EPS8: variants seen among roughly 807,000 people sequenced by gnomAD.
EPS8 encodes EGFR pathway substrate 8, signaling adaptor, also known as epidermal growth factor receptor kinase substrate 8.
Under a neutral mutation model 103.8 loss-of-function variants are expected in EPS8, and 42 were observed. The ratio of observed to expected loss-of-function variants is 0.40; its 90% confidence interval spans 0.32 to 0.52. The LOEUF is 0.52. EPS8 is among the 20% of genes least tolerant of loss of function. The probability of loss-of-function intolerance (pLI) is 0.40; values close to 1 mark genes in which losing one functional copy is unlikely to be tolerated. For synonymous variants in EPS8, 344 were observed against 344.6 expected (o/e 1.00, Z 0.02); for missense variants, 969 against 1,005.1 (o/e 0.96, Z 0.49).
intron 1 of EPS8, among the ~76,000 whole-genome samples, chr12:15,782,801 C>A (rs1250949283): frequency 6.6e-6 from 1 of 152,160 alleles, no homozygotes; most frequent in Admixed American, 6.5e-5. Context: ...TACTGTACTA[C>A]TGTAATAATT....
At chr12:15,691,525 G>A (rs1157765929) in intron 1 of EPS8, among the ~76,000 whole-genome samples, 2 of 152,172 alleles carry the variant, frequency 1.3e-5, no homozygotes, top group Non-Finnish European at 2.9e-5. Context: ...GGCTGGAAGC[G>A]GGAGACATTC....
In EPS8 at chr12:15,750,504, T is replaced by G. The variant is rs553255292; in HGVS notation, c.-22+38657A>C. Among the ~76,000 whole-genome samples, 18 of 152,298 alleles carry G rather than the reference T, an allele frequency of 1.2e-4. No homozygotes were observed. The South Asian group carries it at 3.7e-3, about 32-fold the overall frequency. On this transcript the variant is annotated intron_variant, in intron 1 of 20. Transcript: ENST00000281172. ...TCATAGTGTTTGAAAAGTATACATC[T>G]TTATGGTCTAATATGGACAATGTTA...
intron 1 of EPS8, among the ~76,000 whole-genome samples, chr12:15,726,537 A>G (rs886248116): frequency 6.6e-6 from 1 of 152,200 alleles, no homozygotes; most frequent in African/African-American, 2.4e-5. Flanking sequence ...AGATTTTGTG[A>G]AAAAGCCTGA....
At position 15,662,036 on chromosome 12, in the gene EPS8, T is replaced by C; in HGVS notation, c.800A>G (p.Asp267Gly). 2 of 1,613,668 alleles carry C rather than the reference T, an allele frequency of 1.2e-6. No homozygotes were observed. The highest frequency in any genetic ancestry group is 2.2e-5 in the East Asian group (1 of 44,880). Residue 267 changes from aspartate to glycine, a missense_variant, in exon 9 of 21, where the codon GAC becomes GGC. Physicochemically the swap from Asp to Gly is moderately conservative, Grantham distance 94. Transcript: ENST00000281172. ...GACTCCTGTACTTACCACATCTCTG[T>C]CAATGCGGGCTGCCATCATCTCAGG... ...ETPEMMAARIDRDVQILNHIL... is the reference protein window; with the variant it reads ...ETPEMMAARIGRDVQILNHIL...
In EPS8 at chr12:15,779,221, G is replaced by A. The variant is rs947859766; in HGVS notation, c.-22+9940C>T. Among the ~76,000 whole-genome samples, 38 of 152,238 alleles carry A rather than the reference G, an allele frequency of 2.5e-4. No individual in the cohort carries two copies. Among genetic ancestry groups the A allele is most frequent in the Non-Finnish European group, 4.4e-4 (30 of 68,006 alleles). ...TCGAACTCCCAAACTCAGGTGATCC[G>A]CCTGCCTCGGCTTCCCAAAATGCTG... On this transcript the variant is annotated intron_variant, in intron 1 of 20. Transcript: ENST00000281172. This position sits in a 1 kb window ranked among gnomAD's most constrained non-coding sequence, Gnocchi z 4.3.
rs887428196 is a variant in EPS8, at chr12:15,757,914, C to G, written c.-22+31247G>C. Among the ~76,000 whole-genome samples, 1 of 152,218 alleles carries G rather than the reference C, an allele frequency of 6.6e-6. No individual in the cohort carries two copies. The highest frequency in any genetic ancestry group is 2.4e-5 in the African/African-American group (1 of 41,462). On this transcript the variant is annotated intron_variant, in intron 1 of 20. Coordinates refer to ENST00000281172, the MANE Select transcript of EPS8 (RefSeq NM_004447.6). The surrounding 1 kb of genome is among the most constrained non-coding windows in gnomAD (Gnocchi z 4.1). ...CATCAAGAATTCTGACAGATCTCAG[C>G]TGGAACAGCTATCTGCTCCTCATGC...
Position 15,647,174 on chromosome 12 carries a change from C to G in EPS8, c.1521G>C (p.Gly507=), listed in dbSNP as rs192603910. 6.2e-7 allele frequency: 1 copy of G among 1,613,964 alleles called. No individual in the cohort carries two copies. Among genetic ancestry groups the G allele is most frequent in the Non-Finnish European group, 8.5e-7 (1 of 1,179,936 alleles). Reference sequence around the variant, plus strand: ...TTGGCTTAAAAGCAACAGCAGCTTCCCCTTGGTCCAGGTGGGATCCTCTTG... The same window carrying G: ...TTGGCTTAAAAGCAACAGCAGCTTCGCCTTGGTCCAGGTGGGATCCTCTTG... ...IYTRGSHLDQ[G]EAAVAFKPTS... Residue 507 remains glycine (G), a synonymous_variant, in exon 15 of 21, where the codon GGG becomes GGC. Transcript: ENST00000281172.
chr12:15,689,135 CTT>C (rs145792961), intron 1 of EPS8, among the ~76,000 whole-genome samples: 2 of 146,778 alleles, frequency 1.4e-5, no homozygotes. Context: ...ACTTATATCC[CTT>C]TTTTTTTTTC....
chr12:15,788,666 A>G (rs1328455194), intron 1 of EPS8, among the ~76,000 whole-genome samples: 2 of 152,248 alleles, frequency 1.3e-5, no homozygotes, highest in African/African-American at 2.4e-5. Context: ...CGAAACAATT[A>G]GCTATGTTAA....
Position 15,748,543 on chromosome 12 carries a change from C to T in EPS8, c.-22+40618G>A, listed in dbSNP as rs1388807769. Among the ~76,000 whole-genome samples the T allele has an allele frequency of 6.6e-6, 1 of 152,092 alleles. No individual in the cohort carries two copies. Among genetic ancestry groups the T allele is most frequent in the East Asian group, 1.9e-4 (1 of 5,194 alleles). On this transcript the variant is annotated intron_variant, in intron 1 of 20. Transcript: ENST00000281172. The surrounding 1 kb of genome is among the most constrained non-coding windows in gnomAD (Gnocchi z 4.8). ...AATACCTACACCTTTTCTTAAAGAT[C>T]TCCAGGGAGAGAAATTCCACAGCTC...
rs1384464615 is a variant in EPS8 at position 15,738,311 on chromosome 12, A to G, written c.-22+50850T>C. Among the ~76,000 whole-genome samples the G allele has an allele frequency of 5.3e-5, 8 of 152,188 alleles. No homozygotes were observed. Among genetic ancestry groups the G allele is most frequent in the Admixed American group, 2.0e-4 (3 of 15,282 alleles). ...AGAAACCCTTTTGCACATTGCAGAT[A>G]TAGGTAGTCTTCACATAATTAACAA... is the stretch of plus-strand genomic sequence containing the variant. On this transcript the variant is annotated intron_variant, in intron 1 of 20. Transcript: ENST00000281172. This position sits in a 1 kb window ranked among gnomAD's most constrained non-coding sequence, Gnocchi z 6.2.
chr12:15,644,750 A>G (rs1214267635), intron 15 of EPS8, among the ~76,000 whole-genome samples: 1 of 152,124 alleles, frequency 6.6e-6, no homozygotes, highest in Non-Finnish European at 1.5e-5. Flanking sequence ...TTTTCTTTTA[A>G]CAGTATCTAC....
At chr12:15,741,225 A>C (rs1946818419) in intron 1 of EPS8, among the ~76,000 whole-genome samples, 1 of 152,206 alleles carries the variant, frequency 6.6e-6, no homozygotes, top group South Asian at 2.1e-4. Context: ...TTTTGTATAT[A>C]AAGTCCAATG....
At chr12:15,652,000 T>C (rs1031190221) in intron 13 of EPS8, among the ~76,000 whole-genome samples, 1 of 152,196 alleles carries the variant, frequency 6.6e-6, no homozygotes, top group Admixed American at 6.5e-5. Context: ...GAGCCTGAGC[T>C]ATATTTGTAA....
At position 15,693,754 on chromosome 12, in the gene EPS8, A is replaced by C. The variant is rs1045372845; in HGVS notation, c.-21-10782T>G. 6.6e-6 allele frequency among the ~76,000 whole-genome samples: 1 copy of C among 152,202 alleles called. No homozygotes were observed. Among genetic ancestry groups the C allele is most frequent in the African/African-American group, 2.4e-5 (1 of 41,442 alleles). ...CATGTCCTTTGCAGGGACGTGGATG[A>C]AGCTGGAAGCCATCATCCTCAGGAA... On this transcript the variant is annotated intron_variant, in intron 1 of 20. Coordinates refer to ENST00000281172, the MANE Select transcript of EPS8 (RefSeq NM_004447.6). The surrounding 1 kb of genome is among the most constrained non-coding windows in gnomAD (Gnocchi z 5.6).
At chr12:15,711,646 C>G (rs770647104) in intron 1 of EPS8, among the ~76,000 whole-genome samples, 2 of 152,076 alleles carry the variant, frequency 1.3e-5, no homozygotes, top group Non-Finnish European at 2.9e-5. Flanking sequence ...AGCTTTATAG[C>G]AAGGGTAAGA....
At chr12:15,677,417 A>G (rs1945927445) in intron 3 of EPS8, among the ~76,000 whole-genome samples, 1 of 152,156 alleles carries the variant, frequency 6.6e-6, no homozygotes, top group African/African-American at 2.4e-5. Context: ...TCAGACCTGA[A>G]AAGTGTTCTC....
rs1946711243 is a variant in EPS8, at chr12:15,731,115, A to G, written c.-21-48143T>C. Among the ~76,000 whole-genome samples the G allele has an allele frequency of 6.6e-6, 1 of 152,206 alleles. No homozygotes were observed. On this transcript the variant is annotated intron_variant, in intron 1 of 20. Transcript: ENST00000281172. The surrounding 1 kb of genome is among the most constrained non-coding windows in gnomAD (Gnocchi z 5.1). ...ATATCTATATATGACATAGAAATTC[A>G]TCTTTTTTAGATAGAATAATTAAAA...
rs1022871454 is a variant in EPS8 at position 15,722,929 on chromosome 12, T to G, written c.-21-39957A>C. ...GAATTGTGGAGCGACACATTCAGACTACAGCACCCAGCTACCAGTAGATTT... is the reference window on the plus strand; with the variant it reads ...GAATTGTGGAGCGACACATTCAGACGACAGCACCCAGCTACCAGTAGATTT... On this transcript the variant is annotated intron_variant, in intron 1 of 20. Transcript: ENST00000281172. Among the ~76,000 whole-genome samples, 6 of 151,410 alleles carry G rather than the reference T, an allele frequency of 4.0e-5. No individual in the cohort carries two copies. In the South Asian group the frequency reaches 1.2e-3, roughly 31 times the overall value.
Sources: allele counts gnomAD v4.1 joint callset (sites outside exome capture counted in the v4.1 genomes callset), GRCh38; gene constraint gnomAD v4.1.1; non-coding constraint Gnocchi (gnomAD v3.1); transcripts MANE v1.5; gene names NCBI Gene and HGNC (gene_info 2026-07-23, HGNC 2026-07-21).